Variants in SLC22A23 observed in about 807,000 individuals in gnomAD.
SLC22A23 encodes solute carrier family 22 member 23.
SLC22A23 carries 26 observed loss-of-function variants against 61.0 expected under a neutral mutation model. The ratio of observed to expected loss-of-function variants is 0.43; its 90% CI spans 0.31 to 0.59. SLC22A23 has a LOEUF of 0.59. Among genes scored for constraint, SLC22A23 ranks in the 20% least tolerant of loss-of-function variants. The pLI, the probability that SLC22A23 is intolerant of heterozygous loss-of-function variation, is 0.11. For synonymous variants in SLC22A23, 430 were observed against 413.9 expected (o/e 1.04, Z -0.47); for missense variants, 796 against 934.7 (o/e 0.85, Z 1.94).
chr6:3,392,013 G>A (rs1159557063), intron 3 of SLC22A23, among the ~76,000 whole-genome samples: 1 of 151,928 alleles, frequency 6.6e-6, no homozygotes, highest in Admixed American at 6.5e-5. Flanking sequence ...GTAGCATTTG[G>A]AATGCACGAT....
intron 4 of SLC22A23, among the ~76,000 whole-genome samples, chr6:3,316,193 T>C (rs1357631065): frequency 6.6e-6 from 1 of 152,234 alleles, no homozygotes; most frequent in Non-Finnish European, 1.5e-5. Context: ...TTTGAATGCT[T>C]TTCCCACATT....
At position 3,410,459 on chromosome 6, in the gene SLC22A23, A is replaced by T; in HGVS notation, c.759-117T>A. Reference sequence around the variant, plus strand: ...TATGTTGAATGAGTACTGGGTAAAAAGTCCTGTGCCATCTATACCCACTTC... The same window carrying T: ...TATGTTGAATGAGTACTGGGTAAAATGTCCTGTGCCATCTATACCCACTTC... On this transcript the variant is annotated intron_variant, in intron 2 of 9. Transcript: ENST00000406686. The surrounding 1 kb of genome is among the most constrained non-coding windows in gnomAD (Gnocchi z 5.0). The T allele has an allele frequency of 8.9e-7, 1 of 1,118,458 alleles. No homozygotes were observed. Among genetic ancestry groups the T allele is most frequent in the Non-Finnish European group, 1.2e-6 (1 of 807,380 alleles). 69.3% of individuals were successfully genotyped at this position (1,118,458 alleles called of 1,614,324 possible).
chr6:3,456,337 G>A lies in SLC22A23; in HGVS notation c.223C>T (p.Leu75Phe), dbSNP rs2127562784. ...GACCCGTCATAGTCCAGCAACAAGA[G>A]GCTCGGGGCCGCAGCCGCGGAGCAG... ...SCCSAAAAPS[L>F]LLLDYDGSVL... Residue 75 changes from leucine (L) to phenylalanine (F), a missense_variant, in exon 1 of 10, where the codon CTC (leucine) becomes TTC (phenylalanine). Coordinates refer to ENST00000406686, the MANE Select transcript of SLC22A23 (RefSeq NM_015482.2). The surrounding 1 kb of genome is among the most constrained non-coding windows in gnomAD (Gnocchi z 7.1). 1.9e-6 allele frequency: 3 copies of A among 1,549,440 alleles called. No individual in the cohort carries two copies. Among genetic ancestry groups the A allele is most frequent in the African/African-American group, 2.7e-5 (2 of 73,136 alleles).
chr6:3,345,395 T>TG (rs1438827047), intron 3 of SLC22A23, among the ~76,000 whole-genome samples: 2 of 149,602 alleles, frequency 1.3e-5, no homozygotes, highest in African/African-American at 2.5e-5. Context: ...GACAGAGTCT[T>TG]GCTCTGTCAC....
chr6:3,395,064 G>C (rs1382670715), intron 3 of SLC22A23, among the ~76,000 whole-genome samples: 14 of 152,174 alleles, frequency 9.2e-5, no homozygotes, highest in Non-Finnish European at 2.1e-4. Context: ...TCCGGAAGTG[G>C]GCAGGAATAT....
In SLC22A23 at chr6:3,456,494, C is replaced by T. The variant is rs1772417406; in HGVS notation, c.66G>A (p.Glu22=). Residue 22 remains glutamate, a synonymous_variant, in exon 1 of 10, where the codon GAG becomes GAA. Transcript: ENST00000406686. This position sits in a 1 kb window ranked among gnomAD's most constrained non-coding sequence, Gnocchi z 7.1. ...CCCCGGGCGGCAGGGAGCCGTTCTC[C>T]TCGGCCGGGGCCGGCTGCCGCCCAG... The part of the protein sequence containing the change: ...GGPGRQPAPA[E]ENGSLPPGDA... 2.7e-6 allele frequency: 3 copies of T among 1,113,922 alleles called. No homozygotes were observed. The highest frequency in any genetic ancestry group is 4.9e-5 in the East Asian group (1 of 20,420). The allele number at this position is 1,113,922 out of a possible 1,614,324, so 69.0% of individuals were successfully genotyped here.
intron 4 of SLC22A23, among the ~76,000 whole-genome samples, chr6:3,320,693 G>T (rs1762897712): frequency 1.3e-5 from 2 of 152,102 alleles, no homozygotes; most frequent in African/African-American, 4.8e-5. Flanking sequence ...GCAATTATTG[G>T]CTTTTAAAGC....
chr6:3,393,871 G>A (rs1322739818), intron 3 of SLC22A23, among the ~76,000 whole-genome samples: 1 of 152,202 alleles, frequency 6.6e-6, no homozygotes, highest in East Asian at 1.9e-4. Flanking sequence ...GGCCTCTCAG[G>A]CCCTGGAGAT....
rs1307872710 is a variant in SLC22A23, at chr6:3,284,844, A to T, written c.1579+235T>A. The T allele has an allele frequency of 2.8e-6, 4 of 1,441,910 alleles. No individual in the cohort carries two copies. The African/African-American group carries it at 5.6e-5, about 20-fold the overall frequency. 89.3% of individuals were successfully genotyped at this position (1,441,910 alleles called of 1,614,324 possible). A position where few individuals can be genotyped will look rare whatever the true frequency, so the allele number is the denominator to read the frequency against. On this transcript the variant is annotated intron_variant, in intron 8 of 9. Transcript: ENST00000406686. ...TGGTGCCAGGGGAAGGGGCGGGGGC[A>T]TGCGTGCCAAGCAGCACACAAACAG...
At chr6:3,295,206 G>A (rs1477185477) in intron 5 of SLC22A23, among the ~76,000 whole-genome samples, 2 of 152,222 alleles carry the variant, frequency 1.3e-5, no homozygotes, top group Non-Finnish European at 2.9e-5. Flanking sequence ...GCAATTACTC[G>A]TCGTAGCTGG....
intron 4 of SLC22A23, chr6:3,313,391 T>G (rs908002886): frequency 6.6e-6 from 1 of 152,222 alleles, no homozygotes; most frequent in African/African-American, 2.4e-5. Context: ...TCTCTCAAAT[T>G]GATTATTGGA....
At chr6:3,425,439 C>T (rs1291455605) in intron 1 of SLC22A23, among the ~76,000 whole-genome samples, 1 of 151,904 alleles carries the variant, frequency 6.6e-6, no homozygotes, top group Non-Finnish European at 1.5e-5. Context: ...CGCCCGCCAC[C>T]ACGCCCGGCT....
At chr6:3,295,095 GGCT>G (rs1322237197) in intron 5 of SLC22A23, among the ~76,000 whole-genome samples, 5 of 152,274 alleles carry the variant, frequency 3.3e-5, no homozygotes, top group Non-Finnish European at 7.3e-5. Flanking sequence ...CCTTCGGCTG[GGCT>G]GCTGCTGGGG....
intron 1 of SLC22A23, among the ~76,000 whole-genome samples, chr6:3,440,194 G>T (rs910796385): frequency 1.3e-5 from 2 of 152,166 alleles, no homozygotes; most frequent in African/African-American, 4.8e-5. Flanking sequence ...GAACTATCCC[G>T]GGTGCAGATA....
chr6:3,340,268 G>A (rs1168094107), intron 3 of SLC22A23, among the ~76,000 whole-genome samples: 1 of 152,128 alleles, frequency 6.6e-6, no homozygotes, highest in Admixed American at 6.5e-5. Flanking sequence ...AATGGCAAGA[G>A]GTACTATCTG....
chr6:3,289,671 G>A, intron 6 of SLC22A23, 93 bp downstream of exon 6: 2 of 989,216 alleles, frequency 2.0e-6, no homozygotes, highest in African/African-American at 3.2e-5. Flanking sequence ...TCCAAGTTCA[G>A]CGGGGTGGGG....
Position 3,372,794 on chromosome 6 carries a change from C to T in SLC22A23, c.913+37394G>A, listed in dbSNP as rs776828780. Among the ~76,000 whole-genome samples, 1 of 152,226 alleles carries T rather than the reference C, an allele frequency of 6.6e-6. No individual in the cohort carries two copies. Among genetic ancestry groups the T allele is most frequent in the Non-Finnish European group, 1.5e-5 (1 of 68,040 alleles). ...CAAATTCTGACTTGTTTTTATTTCA[C>T]AATGTCGATCTCAAATCTCTTTCTC... On this transcript the variant is annotated intron_variant, in intron 3 of 9. Coordinates refer to ENST00000406686, the MANE Select transcript of SLC22A23 (RefSeq NM_015482.2). The surrounding 1 kb of genome is among the most constrained non-coding windows in gnomAD (Gnocchi z 4.7).
At chr6:3,449,101 C>T (rs962827942) in intron 1 of SLC22A23, among the ~76,000 whole-genome samples, 1 of 152,176 alleles carries the variant, frequency 6.6e-6, no homozygotes, top group Admixed American at 6.5e-5. Context: ...AGCAAGTCAA[C>T]GTCTGCATGA....
At chr6:3,289,895 G>T in intron 5 of SLC22A23, 29 bp from the exon 6 acceptor site, 2 of 1,599,240 alleles carry the variant, frequency 1.3e-6, no homozygotes. Flanking sequence ...TGTGAGCCCT[G>T]GGCAGGCCGC....
Sources: gnomAD v4.1 joint callset for allele counts (sites outside exome capture counted in the v4.1 genomes callset) on GRCh38, gnomAD v4.1.1 for gene constraint, Gnocchi (gnomAD v3.1) non-coding constraint, MANE v1.5 for transcripts, NCBI Gene and HGNC (gene_info 2026-07-23, HGNC 2026-07-21) for gene names.